SHISA6: variants seen among roughly 807,000 people sequenced by gnomAD.
The protein encoded by SHISA6 is shisa family member 6.
In SHISA6, 22 loss-of-function variants were observed where a neutral mutation model predicts 47.9. The observed-to-expected ratio is 0.46, with a 90% confidence interval of 0.33 to 0.66. SHISA6 has a LOEUF of 0.66. Among genes scored for constraint, SHISA6 ranks in the 30% least tolerant of loss-of-function variants. The probability of loss-of-function intolerance (pLI) is 0.02; values close to 1 mark genes in which losing one functional copy is unlikely to be tolerated. For synonymous variants in SHISA6, 388 were observed against 337.8 expected (o/e 1.15, Z -1.63); for missense variants, 680 against 764.6 (o/e 0.89, Z 1.30).
rs527430041 is a variant in SHISA6, at chr17:11,420,411, A to G, written c.895+40902A>G. Among the ~76,000 whole-genome samples, 123 of 152,310 alleles carry G rather than the reference A, an allele frequency of 8.1e-4. 1 individual carries two copies. Among genetic ancestry groups the G allele is most frequent in the African/African-American group, 2.9e-3 (119 of 41,570 alleles). ...CCTATAAAAGTACTTTGCAATCTCCAAAGAGTCACACAGCAGTTTGTAGGA... is the reference window on the plus strand; with the variant it reads ...CCTATAAAAGTACTTTGCAATCTCCGAAGAGTCACACAGCAGTTTGTAGGA... On this transcript the variant is annotated intron_variant, in intron 3 of 5. Coordinates refer to ENST00000441885, the MANE Select transcript of SHISA6 (RefSeq NM_207386.4).
intron 1 of SHISA6, among the ~76,000 whole-genome samples, chr17:11,254,134 G>A (rs1907920071): frequency 6.6e-6 from 1 of 152,300 alleles, no homozygotes; most frequent in African/African-American, 2.4e-5. Flanking sequence ...GGGACATCTA[G>A]CAAAGCCTTC....
At chr17:11,521,882 T>C (rs2071632790) in intron 3 of SHISA6, among the ~76,000 whole-genome samples, 1 of 152,178 alleles carries the variant, frequency 6.6e-6, no homozygotes, top group African/African-American at 2.4e-5. Flanking sequence ...ACAGGAGTAG[T>C]GAATAGGGAA....
rs550972196 is a variant in SHISA6 at position 11,320,428 on chromosome 17, G to A, written c.799+56902G>A. On this transcript the variant is annotated intron_variant, in intron 2 of 5. Transcript: ENST00000441885. ...TAATCCCAGCACTTTAGGAGCCTGA[G>A]GCAGGTGGATCATGAGGTCAGGAGT... Among the ~76,000 whole-genome samples, 33 of 152,228 alleles carry A rather than the reference G, an allele frequency of 2.2e-4. No homozygotes were observed. The South Asian group carries it at 6.6e-3, about 31-fold the overall frequency.
At chr17:11,438,606 A>T (rs909811248) in intron 3 of SHISA6, among the ~76,000 whole-genome samples, 1 of 152,196 alleles carries the variant, frequency 6.6e-6, no homozygotes, top group African/African-American at 2.4e-5. Context: ...CACCAGTCCT[A>T]TCAGACTTTC....
chr17:11,546,114 C>T (rs539145941), intron 3 of SHISA6, among the ~76,000 whole-genome samples: 2 of 152,314 alleles, frequency 1.3e-5, no homozygotes, highest in East Asian at 1.9e-4. Context: ...CAATATGCCC[C>T]GGTCTCTAAA....
chr17:11,271,373 G>C (rs1263695937), intron 2 of SHISA6, among the ~76,000 whole-genome samples: 1 of 152,140 alleles, frequency 6.6e-6, no homozygotes, highest in Non-Finnish European at 1.5e-5. Flanking sequence ...GCACCCCTCA[G>C]ATGATGACAA....
At chr17:11,274,238 C>T (rs929408707) in intron 2 of SHISA6, among the ~76,000 whole-genome samples, 1 of 152,170 alleles carries the variant, frequency 6.6e-6, no homozygotes, top group African/African-American at 2.4e-5. Flanking sequence ...AAAGGAGAAC[C>T]ACGGAGCTGG....
intron 3 of SHISA6, among the ~76,000 whole-genome samples, chr17:11,532,163 T>A (rs2071739942): frequency 6.6e-6 from 1 of 152,136 alleles, no homozygotes; most frequent in African/African-American, 2.4e-5. Context: ...ATGTTGTCAC[T>A]TGACCAGCGC....
intron 3 of SHISA6, among the ~76,000 whole-genome samples, chr17:11,428,533 C>T (rs891333788): frequency 5.9e-5 from 9 of 152,202 alleles, no homozygotes; most frequent in East Asian, 1.9e-4. Context: ...TCTGTGGCTA[C>T]GGCGCTAAGC....
In SHISA6 at chr17:11,484,095, A is replaced by AACATGAATT. The variant is rs542044210; in HGVS notation, c.896-67799_896-67791dup. 6.4e-4 allele frequency among the ~76,000 whole-genome samples: 97 copies of AACATGAATT among 152,352 alleles called. 2 individuals carry two copies. In the South Asian group the frequency reaches 8.9e-3, roughly 14 times the overall value. On this transcript the variant is annotated intron_variant, in intron 3 of 5. Coordinates refer to ENST00000441885, the MANE Select transcript of SHISA6 (RefSeq NM_207386.4). Reference sequence around the variant, plus strand: ...CCATATATTAGGCTGTAAAGAAAACAACATGAATTAACGGGACAAAAATGA... The same window carrying AACATGAATT: ...CCATATATTAGGCTGTAAAGAAAACAACATGAATTACATGAATTAACGGGACAAAAATGA...
intron 3 of SHISA6, among the ~76,000 whole-genome samples, chr17:11,461,821 C>T (rs748191396): frequency 5.3e-5 from 8 of 152,098 alleles, no homozygotes; most frequent in Non-Finnish European, 1.2e-4. Context: ...AGCTTGCTTA[C>T]GAAAAGCATG....
chr17:11,255,637 G>T (rs1907978854), intron 1 of SHISA6, among the ~76,000 whole-genome samples: 1 of 152,208 alleles, frequency 6.6e-6, no homozygotes, highest in East Asian at 1.9e-4. Flanking sequence ...AGAAACGGGT[G>T]TGTGGTCATA....
At chr17:11,297,381 C>A (rs1373571325) in intron 2 of SHISA6, among the ~76,000 whole-genome samples, 1 of 152,148 alleles carries the variant, frequency 6.6e-6, no homozygotes, top group African/African-American at 2.4e-5. Context: ...TGTTCTAGAA[C>A]TGGAATGATC....
intron 3 of SHISA6, among the ~76,000 whole-genome samples, chr17:11,540,048 C>T (rs544102761): frequency 2.0e-5 from 3 of 152,296 alleles, no homozygotes; most frequent in South Asian, 4.1e-4. Context: ...GCTGGCCTCC[C>T]TTCCACATCA....
chr17:11,335,417 G>A (rs1014936098), intron 2 of SHISA6, among the ~76,000 whole-genome samples: 1 of 152,280 alleles, frequency 6.6e-6, no homozygotes, highest in Admixed American at 6.5e-5. Flanking sequence ...CAGGGAAGCC[G>A]TGCTGCTATA....
intron 2 of SHISA6, among the ~76,000 whole-genome samples, chr17:11,347,929 G>C (rs2142218074): frequency 6.6e-6 from 1 of 152,316 alleles, no homozygotes; most frequent in Admixed American, 6.5e-5. Context: ...TACAAAGAAA[G>C]ATCCTTGGGG....
chr17:11,355,391 C>T (rs991052504), intron 2 of SHISA6, among the ~76,000 whole-genome samples: 2 of 152,152 alleles, frequency 1.3e-5, no homozygotes, highest in Non-Finnish European at 2.9e-5. Context: ...TTTTCTTTAT[C>T]TAGCAGAACC....
At chr17:11,479,718 T>C (rs1046889378) in intron 3 of SHISA6, among the ~76,000 whole-genome samples, 3 of 151,980 alleles carry the variant, frequency 2.0e-5, no homozygotes, top group Non-Finnish European at 4.4e-5. Flanking sequence ...TCATTTCACT[T>C]ATGGCTAAGC....
chr17:11,431,375 C>A lies in SHISA6; in HGVS notation c.895+51866C>A, dbSNP rs528841767. 3.3e-5 allele frequency among the ~76,000 whole-genome samples: 5 copies of A among 152,278 alleles called. No homozygotes were observed. The East Asian group carries it at 7.7e-4, about 24-fold the overall frequency. On this transcript the variant is annotated intron_variant, in intron 3 of 5. Transcript: ENST00000441885. ...ATGGCTCTGTCCCTCTTACCCACAC[C>A]CACCACCACACAGGTTTGTGTGGCT...
Sources: gnomAD v4.1 joint callset for allele counts (sites outside exome capture counted in the v4.1 genomes callset) on GRCh38, gnomAD v4.1.1 for gene constraint, MANE v1.5 for transcripts, NCBI Gene and HGNC (gene_info 2026-07-23, HGNC 2026-07-21) for gene names.